The following CTSL variants were observed in gnomAD, a reference collection of about 807,000 sequenced individuals.
The protein encoded by CTSL is procathepsin L.
In CTSL, 23 loss-of-function variants were observed where a neutral mutation model predicts 34.7. That is an observed-to-expected ratio of 0.66 (90% CI 0.48 to 0.94). The LOEUF is 0.94. Among genes scored for constraint, CTSL ranks in the 40% least tolerant of loss-of-function variants. CTSL has a pLI of 0.00. For missense variants in CTSL, 361 were observed against 406.3 expected (o/e 0.89, Z 0.96); for synonymous variants, 129 against 136.7 (o/e 0.94, Z 0.39).
intron 2 of CTSL, 146 bp downstream of exon 2, chr9:87,727,875 G>A (rs1405851357): frequency 7.1e-7 from 1 of 1,402,336 alleles, no homozygotes; most frequent in Non-Finnish European, 9.9e-7. Flanking sequence ...ATTCATCCTT[G>A]TTGTGTCTCA....
At position 87,731,377 on chromosome 9, in the gene CTSL, AT is replaced by A; in HGVS notation, c.*273del. The A allele has an allele frequency of 3.8e-6, 1 of 262,222 alleles. No individual in the cohort carries two copies. Among genetic ancestry groups the A allele is most frequent in the East Asian group, 6.6e-5 (1 of 15,042 alleles). The allele number at this position is 262,222 out of a possible 1,614,324, so 16.2% of individuals were successfully genotyped here. On this transcript the variant is annotated 3_prime_UTR_variant, in exon 8 of 8. Transcript: ENST00000343150. ...ATAAATTTTTACCTGTTTAAATAAAATTTAATTTCAAATGTAGTGGTGGGGC... is the reference window on the plus strand; with the variant it reads ...ATAAATTTTTACCTGTTTAAATAAAATTAATTTCAAATGTAGTGGTGGGGC...
Position 87,730,999 on chromosome 9 carries a change from T to C in CTSL, c.903-9T>C. 1 of 1,612,908 alleles carries C rather than the reference T, an allele frequency of 6.2e-7. No individual in the cohort carries two copies. Among genetic ancestry groups the C allele is most frequent in the Non-Finnish European group, 8.5e-7 (1 of 1,179,018 alleles). ...TTTCTCTGAAATGGAAAACCTGCTC[T>C]TTTTTCAGCTGGGGTGAAGAATGGG... On this transcript the variant is annotated splice_polypyrimidine_tract_variant and intron_variant, in intron 7 of 7. Coordinates refer to ENST00000343150, the MANE Select transcript of CTSL (RefSeq NM_001912.5).
intron 6 of CTSL, 39 bp from the exon 7 acceptor site, chr9:87,730,342 C>T (rs1213094902): frequency 6.9e-7 from 1 of 1,438,930 alleles, no homozygotes; most frequent in South Asian, 1.2e-5. Flanking sequence ...CATGTGTCCT[C>T]TGGAGCTTCT....
rs756836591 is a variant in CTSL, at chr9:87,731,012, G to T, written c.907G>T (p.Gly303Cys). ...GAAAACCTGCTCTTTTTTCAGCTGG[G>T]GTGAAGAATGGGGCATGGGTGGCTA... Reference protein sequence around the residue: ...NKYWLVKNSWGEEWGMGGYVK... With the variant: ...NKYWLVKNSWCEEWGMGGYVK... The change falls in exon 8 of 8, where the codon GGT (glycine) becomes TGT (cysteine). Residue 303 changes from glycine (G) to cysteine (C), a missense_variant. Transcript: ENST00000343150. 2.5e-6 allele frequency: 4 copies of T among 1,613,268 alleles called. No individual in the cohort carries two copies. Among genetic ancestry groups the T allele is most frequent in the Non-Finnish European group, 3.4e-6 (4 of 1,179,632 alleles).
In CTSL at chr9:87,731,267, T is replaced by C; in HGVS notation, c.*160T>C. On this transcript the variant is annotated 3_prime_UTR_variant, in exon 8 of 8. Transcript: ENST00000343150. ...TGTGATATTTTCACACTGGTAAATG[T>C]TACCTCTATTTTAATTACTGCTATA... 1 of 494,824 alleles carries C rather than the reference T, an allele frequency of 2.0e-6. No individual in the cohort carries two copies. The highest frequency in any genetic ancestry group is 3.6e-6 in the Non-Finnish European group (1 of 276,338). 30.7% of individuals were successfully genotyped at this position (494,824 alleles called of 1,614,324 possible).
In CTSL at chr9:87,729,562, A is replaced by G; in HGVS notation, c.622-11A>G. 6.2e-7 allele frequency: 1 copy of G among 1,608,372 alleles called. No individual in the cohort carries two copies. The highest frequency in any genetic ancestry group is 1.1e-5 in the South Asian group (1 of 89,888). On this transcript the variant is annotated splice_polypyrimidine_tract_variant and intron_variant, in intron 5 of 7. Coordinates refer to ENST00000343150, the MANE Select transcript of CTSL (RefSeq NM_001912.5). ...GTAATCAAGTCTTTTTTTTCCCTTT[A>G]CCTTTGAAAGGAAGAATCCTGTAAG... is the stretch of plus-strand genomic sequence containing the variant.
chr9:87,729,883 T>G, intron 6 of CTSL, 148 bp downstream of exon 6: 1 of 667,040 alleles, frequency 1.5e-6, no homozygotes, highest in Non-Finnish European at 2.4e-6. Flanking sequence ...GCAATATTTA[T>G]ACCTGATGTT....
chr9:87,730,593 A>G, intron 7 of CTSL, 95 bp downstream of exon 7: 3 of 812,398 alleles, frequency 3.7e-6, no homozygotes, highest in Non-Finnish European at 5.9e-6. Context: ...CCTTAGGCAT[A>G]CTTCTGAAAT....
chr9:87,727,727 A>C lies in CTSL; in HGVS notation c.124A>C (p.Met42Leu). Residue 42 changes from methionine to leucine, a missense_variant and splice_region_variant, in exon 2 of 8, where the codon ATG becomes CTG. Transcript: ENST00000343150. ...WKAMHNRLYGMNEEGWRRAVW... is the reference protein window; with the variant it reads ...WKAMHNRLYGLNEEGWRRAVW... ...GGCGATGCACAACAGATTATACGGC[A>C]TGGTTAGTGAAACTTCCCCAGAAAG... is the stretch of plus-strand genomic sequence containing the variant. The C allele has an allele frequency of 1.9e-6, 3 of 1,614,080 alleles. No individual in the cohort carries two copies. The highest frequency in any genetic ancestry group is 2.5e-6 in the Non-Finnish European group (3 of 1,180,016).
chr9:87,728,728 T>C lies in CTSL; in HGVS notation c.540T>C (p.Gly180=). 1 of 1,614,190 alleles carries C rather than the reference T, an allele frequency of 6.2e-7. No individual in the cohort carries two copies. Among genetic ancestry groups the C allele is most frequent in the Non-Finnish European group, 8.5e-7 (1 of 1,180,038 alleles). Residue 180 remains glycine, a synonymous_variant, in exon 5 of 8, where the codon GGT becomes GGC. Transcript: ENST00000343150. The stretch of plus-strand genomic sequence containing the variant: ...CTCAAGGCAATGAAGGCTGCAATGG[T>C]GGCCTAATGGATTATGCTTTCCAGT... The part of the protein sequence containing the change: ...SGPQGNEGCN[G]GLMDYAFQYV...
chr9:87,730,167 CT>C (rs924193159), intron 6 of CTSL, among the ~76,000 whole-genome samples: 9 of 151,654 alleles, frequency 5.9e-5, no homozygotes, highest in African/African-American at 1.2e-4. Context: ...TCTAGGAAAG[CT>C]TTTTTTTAAT....
At chr9:87,727,766 G>A (rs1826083495) in intron 2 of CTSL, 37 bp downstream of exon 2, 4 of 1,612,146 alleles carry the variant, frequency 2.5e-6, no homozygotes, top group Admixed American at 3.3e-5. Flanking sequence ...AGTCCTGGCT[G>A]TTGAGAAGTT....
At chr9:87,728,541 A>ATTTT in intron 4 of CTSL, 44 bp from the exon 5 acceptor site, 2 of 1,311,784 alleles carry the variant, frequency 1.5e-6, no homozygotes, top group South Asian at 1.4e-5. Context: ...AAGTCTTATT[A>ATTTT]TTTTTTTTTT....
rs1187414091 is a variant in CTSL at position 87,727,053 on chromosome 9, TAAATAAATAAA to T, written c.-10-540_-10-530del. Among the ~76,000 whole-genome samples the T allele has an allele frequency of 4.2e-5, 6 of 144,154 alleles. No individual in the cohort carries two copies. In the East Asian group the frequency reaches 1.6e-3, roughly 39 times the overall value. 94.6% of individuals were successfully genotyped at this position (144,154 alleles called of 152,430 possible). A position where few individuals can be genotyped will look rare whatever the true frequency, so the allele number is the denominator to read the frequency against. On this transcript the variant is annotated intron_variant, in intron 1 of 7. Coordinates refer to ENST00000343150, the MANE Select transcript of CTSL (RefSeq NM_001912.5). The stretch of plus-strand genomic sequence containing the variant: ...GACTCCATCTCAAAAAATAAATAAA[TAAATAAATAAA>T]TAAATAAATAAATAAATAGGAGAGA...
In CTSL at chr9:87,731,133, C is replaced by T. The variant is rs1364108782; in HGVS notation, c.*26C>T. 10 of 1,584,074 alleles carry T rather than the reference C, an allele frequency of 6.3e-6. No individual in the cohort carries two copies. The highest frequency in any genetic ancestry group is 8.7e-6 in the Non-Finnish European group (10 of 1,153,490). ...GCTGGTGGACGGTGATGAGGAAGGA[C>T]TTGACTGGGGATGGCGCATGCATGG... On this transcript the variant is annotated 3_prime_UTR_variant, in exon 8 of 8. Transcript: ENST00000343150.
chr9:87,727,354 G>A (rs1248805084), intron 1 of CTSL, among the ~76,000 whole-genome samples: 2 of 152,060 alleles, frequency 1.3e-5, no homozygotes, highest in Non-Finnish European at 2.9e-5. Context: ...CGCATAAACT[G>A]TTTCAGCTCC....
chr9:87,730,998 C>T lies in CTSL; in HGVS notation c.903-10C>T. On this transcript the variant is annotated splice_polypyrimidine_tract_variant and intron_variant, in intron 7 of 7. Transcript: ENST00000343150. ...CTTTCTCTGAAATGGAAAACCTGCT[C>T]TTTTTTCAGCTGGGGTGAAGAATGG... The T allele has an allele frequency of 6.2e-7, 1 of 1,612,608 alleles. No homozygotes were observed.
At position 87,730,438 on chromosome 9, in the gene CTSL, T is replaced by C; in HGVS notation, c.842T>C (p.Val281Ala). ...SEDMDHGVLVVGYGFESTESD... is the reference protein window; with the variant it reads ...SEDMDHGVLVAGYGFESTESD... The stretch of plus-strand genomic sequence containing the variant: ...GACATGGATCATGGTGTGCTGGTGG[T>C]TGGCTACGGATTTGAAAGCACAGAA... The change falls in exon 7 of 8, where the codon GTT becomes GCT. Residue 281 changes from valine (V) to alanine (A), a missense_variant. Val to Ala is a moderately conservative substitution (Grantham distance 64). Transcript: ENST00000343150. 1.9e-6 allele frequency: 3 copies of C among 1,613,324 alleles called. No homozygotes were observed. Among genetic ancestry groups the C allele is most frequent in the Non-Finnish European group, 2.5e-6 (3 of 1,179,728 alleles).
chr9:87,731,134 T>C lies in CTSL; in HGVS notation c.*27T>C, dbSNP rs555183919. The C allele has an allele frequency of 6.3e-7, 1 of 1,582,462 alleles. No homozygotes were observed. The highest frequency in any genetic ancestry group is 8.7e-7 in the Non-Finnish European group (1 of 1,152,014). On this transcript the variant is annotated 3_prime_UTR_variant, in exon 8 of 8. Transcript: ENST00000343150. ...CTGGTGGACGGTGATGAGGAAGGACTTGACTGGGGATGGCGCATGCATGGG... is the reference window on the plus strand; with the variant it reads ...CTGGTGGACGGTGATGAGGAAGGACCTGACTGGGGATGGCGCATGCATGGG...
Sources: allele counts gnomAD v4.1 joint callset (sites outside exome capture counted in the v4.1 genomes callset), GRCh38; gene constraint gnomAD v4.1.1; transcripts MANE v1.5; gene names NCBI Gene and HGNC (gene_info 2026-07-23, HGNC 2026-07-21).